KCNN2: variants seen among roughly 807,000 people sequenced by gnomAD.
The protein encoded by KCNN2 is potassium calcium-activated channel subfamily N member 2, also known as small conductance calcium-activated potassium channel protein 2.
In KCNN2, 24 loss-of-function variants were observed where a neutral mutation model predicts 55.5. The observed-to-expected ratio is 0.43, with a 90% CI of 0.31 to 0.61. KCNN2 has a LOEUF of 0.61. Ranked by LOEUF, KCNN2 falls within the 20% of genes least tolerant of loss-of-function variation. The pLI, the probability that KCNN2 is intolerant of heterozygous loss-of-function variation, is 0.08. For missense variants in KCNN2, 754 were observed against 853.6 expected (o/e 0.88, Z 1.45); for synonymous variants, 431 against 336.1 (o/e 1.28, Z -3.09).
chr5:114,085,826 T>G (rs941557147), intron 1 of KCNN2, among the ~76,000 whole-genome samples: 1 of 152,126 alleles, frequency 6.6e-6, no homozygotes, highest in Admixed American at 6.6e-5. Context: ...AAAGAATTGT[T>G]GAAACCTCTA....
chr5:114,346,285 C>A (rs984428511), intron 2 of KCNN2, among the ~76,000 whole-genome samples: 2 of 152,214 alleles, frequency 1.3e-5, no homozygotes, highest in African/African-American at 2.4e-5. Flanking sequence ...AAACACCTCC[C>A]ACCAGGCCCC....
chr5:114,392,727 C>A (rs1322959325), intron 2 of KCNN2, among the ~76,000 whole-genome samples: 1 of 151,434 alleles, frequency 6.6e-6, no homozygotes, highest in African/African-American at 2.4e-5. Flanking sequence ...AGTCTCATTT[C>A]TTTGTTGACT....
intron 1 of KCNN2, among the ~76,000 whole-genome samples, chr5:114,180,124 C>T (rs1049140612): frequency 6.6e-6 from 1 of 152,128 alleles, no homozygotes; most frequent in African/African-American, 2.4e-5. Context: ...ATAAGTTAAA[C>T]GTTCAATAAT....
chr5:114,344,100 CA>C (rs1757065283), intron 2 of KCNN2, among the ~76,000 whole-genome samples: 1 of 152,122 alleles, frequency 6.6e-6, no homozygotes, highest in Non-Finnish European at 1.5e-5. Context: ...AGTGCTGAAC[CA>C]CCCAGAGTTG....
At chr5:114,261,935 C>A (rs566625960) in intron 2 of KCNN2, among the ~76,000 whole-genome samples, 12 of 152,166 alleles carry the variant, frequency 7.9e-5, no homozygotes, top group Non-Finnish European at 1.6e-4. Context: ...ACTGAACAAT[C>A]TGAAAACCTT....
chr5:114,138,834 A>T (rs1319774906), intron 1 of KCNN2, among the ~76,000 whole-genome samples: 1 of 152,176 alleles, frequency 6.6e-6, no homozygotes, highest in African/African-American at 2.4e-5. Flanking sequence ...AATGAGAAAC[A>T]TGGGTTAGAA....
intron 1 of KCNN2, among the ~76,000 whole-genome samples, chr5:114,095,897 T>C (rs1277749579): frequency 6.6e-6 from 1 of 152,192 alleles, no homozygotes; most frequent in African/African-American, 2.4e-5. Flanking sequence ...GTCCAGGATA[T>C]TTAAGTTTAC....
chr5:114,184,552 T>C (rs1432146698), intron 1 of KCNN2, among the ~76,000 whole-genome samples: 4 of 152,204 alleles, frequency 2.6e-5, no homozygotes, highest in Non-Finnish European at 5.9e-5. Context: ...GGATGGCCTT[T>C]TGCTATGACA....
At chr5:114,156,987 G>C (rs1268832165) in intron 1 of KCNN2, among the ~76,000 whole-genome samples, 1 of 150,850 alleles carries the variant, frequency 6.6e-6, no homozygotes. Flanking sequence ...AATGCACTTT[G>C]GGATTTCTTT....
At chr5:114,100,407 G>T (rs1454852142) in intron 1 of KCNN2, among the ~76,000 whole-genome samples, 1 of 152,074 alleles carries the variant, frequency 6.6e-6, no homozygotes, top group Non-Finnish European at 1.5e-5. Context: ...GCTGGGTATG[G>T]GTGTAGTATT....
intron 2 of KCNN2, among the ~76,000 whole-genome samples, chr5:114,301,008 T>C (rs1301385339): frequency 2.0e-5 from 3 of 151,842 alleles, no homozygotes; most frequent in East Asian, 1.9e-4. Flanking sequence ...GTAATAACTT[T>C]TTTGGAAAAT....
chr5:114,250,394 G>C (rs183897248), intron 2 of KCNN2, among the ~76,000 whole-genome samples: 1 of 152,128 alleles, frequency 6.6e-6, no homozygotes, highest in African/African-American at 2.4e-5. Flanking sequence ...TGGAGAATTG[G>C]AAGTGTCCCT....
At chr5:114,246,892 C>T (rs866300255) in intron 2 of KCNN2, among the ~76,000 whole-genome samples, 14 of 151,458 alleles carry the variant, frequency 9.2e-5, no homozygotes, top group Middle Eastern at 6.5e-3. Flanking sequence ...ATGAATTATT[C>T]GAATGTTTTT....
chr5:114,151,243 G>C (rs959880082), intron 1 of KCNN2, among the ~76,000 whole-genome samples: 2 of 151,934 alleles, frequency 1.3e-5, no homozygotes, highest in Non-Finnish European at 2.9e-5. Flanking sequence ...AGAGCTTAAG[G>C]GATCTTAGAG....
chr5:114,296,462 G>C (rs1476178092), intron 2 of KCNN2, among the ~76,000 whole-genome samples: 2 of 152,220 alleles, frequency 1.3e-5, no homozygotes, highest in African/African-American at 4.8e-5. Flanking sequence ...AGAAGAGAAA[G>C]TCTCATTGCT....
At chr5:114,466,165 ACTCACTACC>A (rs1209704370) in intron 4 of KCNN2, among the ~76,000 whole-genome samples, 5 of 152,042 alleles carry the variant, frequency 3.3e-5, no homozygotes, top group Non-Finnish European at 7.4e-5. Context: ...AAAGAAAACC[ACTCACTACC>A]CTTCAAGAGA....
chr5:114,300,870 G>A (rs962636425), intron 2 of KCNN2, among the ~76,000 whole-genome samples: 3 of 152,090 alleles, frequency 2.0e-5, no homozygotes, highest in Admixed American at 6.5e-5. Context: ...GAATTTTAGC[G>A]CTATCCCACA....
At chr5:114,439,221 GT>G (rs1760123438) in intron 3 of KCNN2, among the ~76,000 whole-genome samples, 1 of 152,176 alleles carries the variant, frequency 6.6e-6, no homozygotes, top group South Asian at 2.1e-4. Context: ...AGAAATGCAA[GT>G]AATAAGCTGG....
At chr5:114,286,433 G>C (rs1755754781) in intron 2 of KCNN2, among the ~76,000 whole-genome samples, 1 of 152,064 alleles carries the variant, frequency 6.6e-6, no homozygotes, top group African/African-American at 2.4e-5. Context: ...AAAAGTAGAA[G>C]TTGAAACCAA....
Sources: allele counts gnomAD v4.1 joint callset (sites outside exome capture counted in the v4.1 genomes callset), GRCh38; gene constraint gnomAD v4.1.1; transcripts MANE v1.5; gene names NCBI Gene and HGNC (gene_info 2026-07-23, HGNC 2026-07-21).